The following DST variants were observed in gnomAD, a reference collection of about 807,000 sequenced individuals.
The protein encoded by DST is dystonin.
DST carries 253 observed loss-of-function variants against 875.2 expected under a neutral mutation model. The ratio of observed to expected loss-of-function variants is 0.29; its 90% confidence interval spans 0.26 to 0.32. The LOEUF is 0.32. DST is among the 10% of genes least tolerant of loss of function. The probability of loss-of-function intolerance (pLI) is 1.00; values close to 1 mark genes in which losing one functional copy is unlikely to be tolerated. For missense variants in DST, 8,287 were observed against 9,111.6 expected (o/e 0.91, Z 3.68); for synonymous variants, 3,124 against 3,197.1 (o/e 0.98, Z 0.77).
chr6:56,566,512 C>T (rs889579609), intron 55 of DST, among the ~76,000 whole-genome samples: 1 of 152,144 alleles, frequency 6.6e-6, no homozygotes, highest in African/African-American at 2.4e-5. Context: ...TTCTGCTCGC[C>T]CTCCGTGGGC....
chr6:56,782,804 A>C (rs954951387), intron 4 of DST, among the ~76,000 whole-genome samples: 1 of 151,850 alleles, frequency 6.6e-6, no homozygotes, highest in South Asian at 2.1e-4. Context: ...TAGTTCTTTT[A>C]ATTGTGATGT....
rs781137948 is a variant in DST, at chr6:56,620,409, C to T, written c.4929+4121G>A. Reference sequence around the variant, plus strand: ...ACCCGCTCCAGTTCTCTTTCAGCGGCTTCCTTCTCTCTCACAATGGTTTCA... The same window carrying T: ...ACCCGCTCCAGTTCTCTTTCAGCGGTTTCCTTCTCTCTCACAATGGTTTCA... On this transcript the variant is annotated intron_variant, in intron 36 of 103. Coordinates refer to ENST00000680361, the MANE Select transcript of DST (RefSeq NM_001374736.1). 10 of 1,614,064 alleles carry T rather than the reference C, an allele frequency of 6.2e-6. No individual in the cohort carries two copies. In the South Asian group the frequency reaches 7.7e-5, roughly 12 times the overall value.
At chr6:56,721,500 T>G (rs1467994930) in intron 5 of DST, among the ~76,000 whole-genome samples, 2 of 152,222 alleles carry the variant, frequency 1.3e-5, no homozygotes, top group African/African-American at 2.4e-5. Flanking sequence ...AGTATTAATT[T>G]GGGGAACTAA....
intron 4 of DST, among the ~76,000 whole-genome samples, chr6:56,747,465 TATAAAA>T (rs2099576034): frequency 6.6e-6 from 1 of 152,206 alleles, no homozygotes; most frequent in African/African-American, 2.4e-5. Context: ...AAGAATTGAA[TATAAAA>T]CTCCTAGAAT....
chr6:56,818,213 G>T (rs2099768900), intron 4 of DST, among the ~76,000 whole-genome samples: 1 of 151,992 alleles, frequency 6.6e-6, no homozygotes, highest in South Asian at 2.1e-4. Context: ...ATTTGTTATA[G>T]CAACAATAGG....
Position 56,627,246 on chromosome 6 carries a change from G to A in DST, c.4680C>T (p.Asp1560=), listed in dbSNP as rs746485081. The A allele has an allele frequency of 2.7e-5, 43 of 1,612,530 alleles. No individual in the cohort carries two copies. Among genetic ancestry groups the A allele is most frequent in the Admixed American group, 5.0e-5 (3 of 59,972 alleles). The change falls in exon 34 of 104, where the codon GAC becomes GAT. Residue 1560 remains aspartate (D), a synonymous_variant. Transcript: ENST00000680361. The part of the protein sequence containing the change: ...SEIEMKQSKM[D]ECQKYAEQYS... ...ACTGTTCTGCATATTTTTGACACTC[G>A]TCCATTTTGCTCTGTTTCATTTCTA...
chr6:56,797,240 G>C (rs1198045247), intron 4 of DST, among the ~76,000 whole-genome samples: 1 of 152,154 alleles, frequency 6.6e-6, no homozygotes, highest in Non-Finnish European at 1.5e-5. Flanking sequence ...AGAAATGTGT[G>C]TTCTGACTGT....
chr6:56,482,732 C>T lies in DST; in HGVS notation c.21353G>A (p.Cys7118Tyr). 1.2e-6 allele frequency: 2 copies of T among 1,613,854 alleles called. No individual in the cohort carries two copies. The highest frequency in any genetic ancestry group is 1.7e-6 in the Non-Finnish European group (2 of 1,179,822). Residue 7118 changes from cysteine (C) to tyrosine (Y), a missense_variant, in exon 89 of 104, where the codon TGT becomes TAT. Physicochemically the swap from Cys to Tyr is radical, Grantham distance 194 (BLOSUM62 -2). Around this residue, in one of 10 missense-constraint regions of DST, gnomAD observed 1,292 missense variants for 1,552.7 expected, o/e 0.83. Transcript: ENST00000680361. ...TGTTTGCTTTGATATAGAAAGTGCA[C>T]ACACGGTCTCCCAGCGTGTGCTTAA... ...QELSTRWETV[C>Y]ALSISKQTRL...
intron 95 of DST, 23 bp from the exon 96 acceptor site, chr6:56,470,305 A>C: frequency 6.4e-7 from 1 of 1,571,040 alleles, no homozygotes; most frequent in Admixed American, 1.8e-5. Context: ...AAACAATGGT[A>C]AGTAGTGACT....
At chr6:56,719,979 A>G (rs13192478) in intron 5 of DST, among the ~76,000 whole-genome samples, 37,890 of 152,142 alleles carry the variant, frequency 0.25, 6,372 homozygotes, top group African/African-American at 0.48. Flanking sequence ...ATGAAGTTTC[A>G]GACACCACTG....
chr6:56,660,828 T>A (rs1281280627), intron 10 of DST, among the ~76,000 whole-genome samples: 1 of 151,780 alleles, frequency 6.6e-6, no homozygotes, highest in African/African-American at 2.4e-5. Flanking sequence ...TGAGAAACAG[T>A]ATATTTTTTT....
chr6:56,508,769 C>T lies in DST; in HGVS notation c.19013-14G>A. The T allele has an allele frequency of 6.3e-7, 1 of 1,595,428 alleles. No homozygotes were observed. Among genetic ancestry groups the T allele is most frequent in the Non-Finnish European group, 8.6e-7 (1 of 1,166,600 alleles). On this transcript the variant is annotated splice_polypyrimidine_tract_variant and intron_variant, in intron 74 of 103. Coordinates refer to ENST00000680361, the MANE Select transcript of DST (RefSeq NM_001374736.1). ...TATCCTGAACAGCTATGAAGCAAAA[C>T]AATATCCACAAGGCGACTGGTTAGC...
chr6:56,910,769 G>GC (rs1469128975), intron 2 of DST, among the ~76,000 whole-genome samples: 1 of 152,164 alleles, frequency 6.6e-6, no homozygotes, highest in East Asian at 1.9e-4. Flanking sequence ...ACAAGCATGA[G>GC]CCCCCGTGCT....
intron 15 of DST, 108 bp downstream of exon 15, chr6:56,645,758 A>T: frequency 7.7e-7 from 1 of 1,293,944 alleles, no homozygotes; most frequent in Non-Finnish European, 1.1e-6. Context: ...AAGGATTAAG[A>T]GACTTATCCA....
intron 49 of DST, among the ~76,000 whole-genome samples, chr6:56,580,750 G>T (rs1188229326): frequency 4.8e-5 from 7 of 145,984 alleles, no homozygotes; most frequent in South Asian, 2.2e-4. Context: ...TTTTGGTTGG[G>T]GGGGCAGCGT....
Position 56,557,365 on chromosome 6 carries a change from A to G in DST, c.14594T>C (p.Leu4865Ser). 1 of 1,613,702 alleles carries G rather than the reference A, an allele frequency of 6.2e-7. No individual in the cohort carries two copies. The highest frequency in any genetic ancestry group is 8.5e-7 in the Non-Finnish European group (1 of 1,179,700). The part of the protein sequence containing the change: ...KELMVSVLGP[L>S]SIDPNMLNTQ... ...GTTTAGCATATTTGGGTCAATTGACAAGGGCCCAAGAACACTGACCATAAG... is the reference window on the plus strand; with the variant it reads ...GTTTAGCATATTTGGGTCAATTGACGAGGGCCCAAGAACACTGACCATAAG... The change falls in exon 59 of 104, where the codon TTG (leucine) becomes TCG (serine). Residue 4865 changes from leucine (L) to serine (S), a missense_variant. Leu to Ser is a moderately radical substitution (Grantham distance 145). Coordinates refer to ENST00000680361, the MANE Select transcript of DST (RefSeq NM_001374736.1).
intron 93 of DST, 35 bp from the exon 94 acceptor site, chr6:56,472,257 T>C: frequency 6.2e-7 from 1 of 1,602,724 alleles, no homozygotes; most frequent in Non-Finnish European, 8.5e-7. Context: ...GATGGCAGTT[T>C]CCAGGGTGCT....
chr6:56,681,091 C>T (rs1475569431), intron 9 of DST, among the ~76,000 whole-genome samples: 1 of 152,214 alleles, frequency 6.6e-6, no homozygotes, highest in Non-Finnish European at 1.5e-5. Flanking sequence ...CTCTTAACCA[C>T]TGCGCTATAT....
chr6:56,543,372 G>A (rs1230214011), intron 61 of DST, among the ~76,000 whole-genome samples: 1 of 152,142 alleles, frequency 6.6e-6, no homozygotes, highest in Non-Finnish European at 1.5e-5. Context: ...CTACCAGTGA[G>A]GGGCTCTCAG....
Sources: allele counts gnomAD v4.1 joint callset (sites outside exome capture counted in the v4.1 genomes callset), GRCh38; gene constraint gnomAD v4.1.1; regional missense constraint gnomAD v4.1.1; transcripts MANE v1.5; gene names NCBI Gene and HGNC (gene_info 2026-07-23, HGNC 2026-07-21).